The following HACD2 variants were observed in gnomAD, a reference collection of about 807,000 sequenced individuals.
HACD2 encodes 3-hydroxyacyl-CoA dehydratase 2, also known as very-long-chain (3R)-3-hydroxyacyl-CoA dehydratase 2.
HACD2 carries 15 observed loss-of-function variants against 31.0 expected under a neutral mutation model. The observed-to-expected ratio is 0.48, with a 90% CI of 0.32 to 0.75. The LOEUF is 0.75. HACD2 is among the 30% of genes least tolerant of loss of function. HACD2 has a pLI of 0.03. For synonymous variants in HACD2, 115 were observed against 122.2 expected (o/e 0.94, Z 0.39); for missense variants, 283 against 313.0 (o/e 0.90, Z 0.72).
At chr3:123,581,940 T>C (rs55704613) in intron 2 of HACD2, among the ~76,000 whole-genome samples, 14,541 of 152,200 alleles carry the variant, frequency 0.096, 2,305 homozygotes, top group African/African-American at 0.33. Context: ...AGGATGTCCC[T>C]AGAATTTTTA....
Position 123,526,445 on chromosome 3 carries a change from G to A in HACD2, c.381+1941C>T, listed in dbSNP as rs540557706. ...AACAGTGCATATGTAAAAACAAGAG[G>A]ATCCAAGAGGCGATGGGAAGACAAT... On this transcript the variant is annotated intron_variant, in intron 4 of 6. Transcript: ENST00000383657. Among the ~76,000 whole-genome samples, 4 of 152,010 alleles carry A rather than the reference G, an allele frequency of 2.6e-5. No individual in the cohort carries two copies. In the South Asian group the frequency reaches 8.3e-4, roughly 32 times the overall value.
At chr3:123,530,781 A>C (rs74483158) in intron 3 of HACD2, among the ~76,000 whole-genome samples, 1 of 151,622 alleles carries the variant, frequency 6.6e-6, no homozygotes, top group African/African-American at 2.4e-5. Context: ...CGAACTCCTA[A>C]GCTCACACAA....
At chr3:123,565,042 T>A (rs1482742982) in intron 3 of HACD2, among the ~76,000 whole-genome samples, 1 of 152,146 alleles carries the variant, frequency 6.6e-6, no homozygotes, top group African/African-American at 2.4e-5. Context: ...CCCATCTGAC[T>A]GTGGGTTTCC....
intron 4 of HACD2, among the ~76,000 whole-genome samples, chr3:123,507,380 C>T (rs1252064402): frequency 5.3e-5 from 8 of 151,832 alleles, no homozygotes; most frequent in African/African-American, 1.2e-4. Flanking sequence ...AATGGATAAA[C>T]GACAAGTGAT....
intron 2 of HACD2, among the ~76,000 whole-genome samples, chr3:123,576,807 G>A (rs1399053784): frequency 2.0e-5 from 3 of 152,208 alleles, no homozygotes; most frequent in African/African-American, 7.2e-5. Flanking sequence ...CTGGCAGGGA[G>A]ATAAGAAGGG....
intron 4 of HACD2, among the ~76,000 whole-genome samples, chr3:123,509,473 C>G (rs2056022525): frequency 6.7e-6 from 1 of 150,146 alleles, no homozygotes; most frequent in East Asian, 2.0e-4. Context: ...ATTCATTGAA[C>G]CCCTCCAACC....
At chr3:123,546,257 C>T (rs1034901848) in intron 3 of HACD2, among the ~76,000 whole-genome samples, 1 of 152,154 alleles carries the variant, frequency 6.6e-6, no homozygotes, top group South Asian at 2.1e-4. Context: ...TCACTATGTG[C>T]TATTGCCAAG....
chr3:123,566,234 C>T (rs977539019), intron 3 of HACD2, among the ~76,000 whole-genome samples: 3 of 152,124 alleles, frequency 2.0e-5, no homozygotes, highest in African/African-American at 4.8e-5. Flanking sequence ...ACTCTCTACC[C>T]GTAATCCCAG....
chr3:123,584,497 G>A, intron 1 of HACD2: 1 of 186,120 alleles, frequency 5.4e-6, no homozygotes, highest in Non-Finnish European at 1.1e-5. Flanking sequence ...TGCTGGCGCC[G>A]TTCAACATCC....
In HACD2 at chr3:123,545,376, G is replaced by A. The variant is rs991396454; in HGVS notation, c.293-16902C>T. On this transcript the variant is annotated intron_variant, in intron 3 of 6. Coordinates refer to ENST00000383657, the MANE Select transcript of HACD2 (RefSeq NM_198402.5). ...ACATGCCTGTTATCCCAGCTACTCAGGAGGCTGAGGTGGCAAAATTGCTTG... is the reference window on the plus strand; with the variant it reads ...ACATGCCTGTTATCCCAGCTACTCAAGAGGCTGAGGTGGCAAAATTGCTTG... Among the ~76,000 whole-genome samples the A allele has an allele frequency of 4.0e-5, 6 of 151,444 alleles. No individual in the cohort carries two copies. In the East Asian group the frequency reaches 1.2e-3, roughly 29 times the overall value.
rs138008550 is a variant in HACD2 at position 123,572,940 on chromosome 3, G to A, written c.274-5160C>T. On this transcript the variant is annotated intron_variant, in intron 2 of 6. Coordinates refer to ENST00000383657, the MANE Select transcript of HACD2 (RefSeq NM_198402.5). ...GACTAGCCCACTCTGGCTCAGTTAC[G>A]CACCCCTGGATCAGCCAGCTATGGC... 2.9e-3 allele frequency among the ~76,000 whole-genome samples: 446 copies of A among 152,140 alleles called. 3 individuals carry two copies. The highest frequency in any genetic ancestry group is 9.8e-3 in the African/African-American group (407 of 41,510).
chr3:123,565,517 C>T (rs2056780742), intron 3 of HACD2, among the ~76,000 whole-genome samples: 1 of 152,216 alleles, frequency 6.6e-6, no homozygotes, highest in Admixed American at 6.5e-5. Flanking sequence ...AACAGGCCCT[C>T]ACCAGACAGG....
In HACD2 at chr3:123,494,377, A is replaced by G. The variant is rs1011732520; in HGVS notation, c.*511T>C. On this transcript the variant is annotated 3_prime_UTR_variant, in exon 7 of 7. Transcript: ENST00000383657. ...AGATGTGAGGGGATAGGTCCCAGCC[A>G]TAACTTCAGAGCATTCCAGAGAACA... 6 of 163,120 alleles carry G rather than the reference A, an allele frequency of 3.7e-5. No homozygotes were observed. The highest frequency in any genetic ancestry group is 1.9e-4 in the Admixed American group (3 of 15,442). 10.1% of individuals were successfully genotyped at this position (163,120 alleles called of 1,614,324 possible). A position where few individuals can be genotyped will look rare whatever the true frequency, so the allele number is the denominator to read the frequency against.
intron 3 of HACD2, among the ~76,000 whole-genome samples, chr3:123,541,269 C>CA (rs960846836): frequency 3.3e-5 from 5 of 150,316 alleles, no homozygotes; most frequent in Admixed American, 1.3e-4. Context: ...AGACTCTGTC[C>CA]AAAAAAAAAG....
intron 2 of HACD2, among the ~76,000 whole-genome samples, chr3:123,568,675 G>A (rs1464910830): frequency 3.9e-5 from 6 of 152,088 alleles, no homozygotes; most frequent in Non-Finnish European, 8.8e-5. Flanking sequence ...CTCTGGGGGT[G>A]GTGGTGGCAA....
At chr3:123,584,756 C>A in intron 1 of HACD2, 117 bp downstream of exon 1, 1 of 814,608 alleles carries the variant, frequency 1.2e-6, no homozygotes, top group Non-Finnish European at 1.7e-6. Flanking sequence ...CCGGGCACCC[C>A]CCGCCGGGAA....
At chr3:123,544,049 C>T (rs1333675338) in intron 3 of HACD2, among the ~76,000 whole-genome samples, 1 of 152,156 alleles carries the variant, frequency 6.6e-6, no homozygotes, top group Non-Finnish European at 1.5e-5. Flanking sequence ...GAGTGCTGTT[C>T]ACACAGATGT....
At chr3:123,566,254 G>A (rs1444830418) in intron 3 of HACD2, among the ~76,000 whole-genome samples, 1 of 152,054 alleles carries the variant, frequency 6.6e-6, no homozygotes, top group African/African-American at 2.4e-5. Flanking sequence ...GGTAAGAAGT[G>A]GGAAACCAGC....
Position 123,582,770 on chromosome 3 carries a change from T to C in HACD2, c.156-441A>G, listed in dbSNP as rs2056979159. Among the ~76,000 whole-genome samples the C allele has an allele frequency of 3.3e-5, 5 of 152,164 alleles. No individual in the cohort carries two copies. The South Asian group carries it at 8.3e-4, about 25-fold the overall frequency. On this transcript the variant is annotated intron_variant, in intron 1 of 6. Transcript: ENST00000383657. Reference sequence around the variant, plus strand: ...AAGAAGATGCTTTAAACTATTGTTATAATTGTCTCACTGGAACAATTACCC... The same window carrying C: ...AAGAAGATGCTTTAAACTATTGTTACAATTGTCTCACTGGAACAATTACCC...
Sources: gnomAD v4.1 joint callset for allele counts (sites outside exome capture counted in the v4.1 genomes callset) on GRCh38, gnomAD v4.1.1 for gene constraint, MANE v1.5 for transcripts, NCBI Gene and HGNC (gene_info 2026-07-23, HGNC 2026-07-21) for gene names.